PPIE: variants seen among roughly 807,000 people sequenced by gnomAD.
The protein encoded by PPIE is peptidylprolyl isomerase E.
Under a neutral mutation model 38.4 loss-of-function variants are expected in PPIE, and 20 were observed. That is an observed-to-expected ratio of 0.52 (90% CI 0.37 to 0.76). The LOEUF (loss-of-function observed/expected upper bound fraction) is 0.76, where lower values mean the gene tolerates loss of function less well. PPIE is among the 30% of genes least tolerant of loss of function. The pLI is 0.00. For synonymous variants in PPIE, 142 were observed against 135.7 expected, an observed-to-expected ratio of 1.05 and a Z score of -0.32; for missense variants, 322 against 385.8, an observed-to-expected ratio of 0.83 and a Z score of 1.39.
downstream of PPIE, chr1:39,760,017 C>G (rs1274111600): frequency 1.6e-5 from 4 of 243,246 alleles, no homozygotes; most frequent in Admixed American, 4.9e-5. Flanking sequence ...GTGAAGAGCT[C>G]AAGGTGGCCA....
intron 8 of PPIE, among the ~76,000 whole-genome samples, chr1:39,751,530 T>C (rs1313896601): frequency 6.6e-6 from 1 of 152,130 alleles, no homozygotes; most frequent in East Asian, 1.9e-4. Flanking sequence ...AGGCTAATTT[T>C]TAAGTTTTTT....
At position 39,740,912 on chromosome 1, in the gene PPIE, CATT is replaced by C. The variant is rs757908083; in HGVS notation, c.131-450_131-448del. ...TCTAGTCTCTGAGTTCTATGATAAA[CATT>C]ATTGTGCTTGGTCTTTCTAGTTAGT... On this transcript the variant is annotated intron_variant, in intron 2 of 9. Coordinates refer to ENST00000324379, the MANE Select transcript of PPIE (RefSeq NM_006112.4). 4.9e-4 allele frequency among the ~76,000 whole-genome samples: 74 copies of C among 152,316 alleles called. 1 individual carries two copies. Among genetic ancestry groups the C allele is most frequent in the South Asian group, 8.3e-4 (4 of 4,830 alleles).
At position 39,752,950 on chromosome 1, in the gene PPIE, C is replaced by G. The variant is rs1056835203; in HGVS notation, c.735C>G (p.Gly245=). 8.7e-6 allele frequency: 14 copies of G among 1,614,076 alleles called. No individual in the cohort carries two copies. The highest frequency in any genetic ancestry group is 1.6e-4 in the Middle Eastern group (1 of 6,084). ...SMANSGPNTN[G]SQFFLTCDKT... ...CCAACTCTGGCCCAAACACCAATGG[C>G]TCTCAGTTCTTCCTGACATGTGACA... Residue 245 remains glycine, a synonymous_variant, in exon 9 of 10, where the codon GGC becomes GGG. Coordinates refer to ENST00000324379, the MANE Select transcript of PPIE (RefSeq NM_006112.4).
At chr1:39,743,024 C>G in intron 4 of PPIE, 192 bp from the exon 5 acceptor site, 1 of 537,438 alleles carries the variant, frequency 1.9e-6, no homozygotes, top group South Asian at 2.5e-5. Context: ...TCTTTGTGTG[C>G]TGCTATGAAA....
At chr1:39,760,060 C>T, downstream of PPIE, 1 of 286,056 alleles carries the variant, frequency 3.5e-6, no homozygotes, top group Non-Finnish European at 6.8e-6. Flanking sequence ...CAGGTCATTC[C>T]ACATCTATCT....
At chr1:39,761,578 A>G (rs1039376012), downstream of PPIE, among the ~76,000 whole-genome samples, 2 of 152,010 alleles carry the variant, frequency 1.3e-5, no homozygotes. Context: ...GCCCTAGGGG[A>G]GCCGGCCCTG....
downstream of PPIE, chr1:39,760,607 G>A (rs763909153): frequency 1.2e-6 from 2 of 1,601,686 alleles, no homozygotes; most frequent in South Asian, 2.2e-5. Context: ...CATGAGCCCA[G>A]TGGCCTCCTC....
Position 39,753,029 on chromosome 1 carries a change from C to G in PPIE, c.814C>G (p.Leu272Val), listed in dbSNP as rs539934916. 6 of 1,614,206 alleles carry G rather than the reference C, an allele frequency of 3.7e-6. No homozygotes were observed. The highest frequency in any genetic ancestry group is 1.7e-5 in the Admixed American group (1 of 60,032). Residue 272 changes from leucine to valine, a missense_variant, in exon 9 of 10, where the codon CTA (leucine) becomes GTA (valine). Coordinates refer to ENST00000324379, the MANE Select transcript of PPIE (RefSeq NM_006112.4). ...HVVFGEVTEG[L>V]DVLRQIEAQG... ...GGTGTTTGGAGAGGTCACCGAAGGC[C>G]TAGATGTCTTGCGGCAAATTGAGGT...
At chr1:39,739,746 C>T (rs1387347374) in intron 1 of PPIE, among the ~76,000 whole-genome samples, 1 of 152,010 alleles carries the variant, frequency 6.6e-6, no homozygotes, top group Non-Finnish European at 1.5e-5. Flanking sequence ...TTCGGGAGAC[C>T]CAGGAAATTA....
Position 39,762,432 on chromosome 1 carries a change from C to G in PPIE, c.838-1257C>G, listed in dbSNP as rs572689985. On this transcript the variant is annotated intron_variant, in intron 9 of 9. Coordinates refer to the PPIE transcript ENST00000356511. ...GGTAAAAAGTTCTAGAAGGAAGCCTCGGTGCCAGAATCCACAAACACACAG... is the reference window on the plus strand; with the variant it reads ...GGTAAAAAGTTCTAGAAGGAAGCCTGGGTGCCAGAATCCACAAACACACAG... 7 of 1,451,176 alleles carry G rather than the reference C, an allele frequency of 4.8e-6. No individual in the cohort carries two copies. In the African/African-American group the frequency reaches 5.8e-5, roughly 12 times the overall value. 89.9% of individuals were successfully genotyped at this position (1,451,176 alleles called of 1,614,324 possible). A position where few individuals can be genotyped will look rare whatever the true frequency, so the allele number is the denominator to read the frequency against.
intron 9 of PPIE, chr1:39,763,077 G>A: frequency 6.2e-7 from 1 of 1,612,294 alleles, no homozygotes; most frequent in Non-Finnish European, 8.5e-7. Context: ...TGGGCAGGAT[G>A]GGCATGGTAC....
rs1648137783 is a variant in PPIE at position 39,755,212 on chromosome 1, G to A, written c.*1857G>A. ...GCTGTTGGACACCTCCTGTGGGTTG[G>A]GTCACTCAGACCATTCAGAATCCAC... On this transcript the variant is annotated 3_prime_UTR_variant, in exon 10 of 10. Transcript: ENST00000324379. 4 of 985,294 alleles carry A rather than the reference G, an allele frequency of 4.1e-6. No individual in the cohort carries two copies. Among genetic ancestry groups the A allele is most frequent in the South Asian group, 9.4e-5 (2 of 21,290 alleles). 61.0% of individuals were successfully genotyped at this position (985,294 alleles called of 1,614,324 possible).
chr1:39,754,882 G>A lies in PPIE; in HGVS notation c.*1527G>A, dbSNP rs1347819187. 1 of 380,740 alleles carries A rather than the reference G, an allele frequency of 2.6e-6. No individual in the cohort carries two copies. The highest frequency in any genetic ancestry group is 3.6e-6 in the Non-Finnish European group (1 of 277,348). 23.6% of individuals were successfully genotyped at this position (380,740 alleles called of 1,614,324 possible). A position where few individuals can be genotyped will look rare whatever the true frequency, so the allele number is the denominator to read the frequency against. On this transcript the variant is annotated 3_prime_UTR_variant, in exon 10 of 10. Transcript: ENST00000324379. ...TTGAAAAAAAGAAACCATCATCACAGCAACATCTAGACTAGTGTTTGACTA... is the reference window on the plus strand; with the variant it reads ...TTGAAAAAAAGAAACCATCATCACAACAACATCTAGACTAGTGTTTGACTA...
chr1:39,743,236 A>T lies in PPIE; in HGVS notation c.222A>T (p.Gly74=), dbSNP rs771177211. 7.4e-6 allele frequency: 12 copies of T among 1,614,114 alleles called. No homozygotes were observed. The highest frequency in any genetic ancestry group is 1.0e-5 in the Non-Finnish European group (12 of 1,179,986). The part of the protein sequence containing the change: ...IDNMNESELF[G]RTIRVNLAKP... Reference sequence around the variant, plus strand: ...TTCAGAATGAATCTGAGCTTTTTGGACGTACAATTCGTGTCAATTTGGCCA... The same window carrying T: ...TTCAGAATGAATCTGAGCTTTTTGGTCGTACAATTCGTGTCAATTTGGCCA... The change falls in exon 5 of 10, where the codon GGA becomes GGT. Residue 74 remains glycine (G), a synonymous_variant. Coordinates refer to ENST00000324379, the MANE Select transcript of PPIE (RefSeq NM_006112.4).
intron 8 of PPIE, among the ~76,000 whole-genome samples, chr1:39,751,729 T>C (rs534995302): frequency 9.9e-5 from 15 of 152,242 alleles, no homozygotes; most frequent in Admixed American, 1.3e-4. Context: ...GCAGAACATC[T>C]AGCATTCCAG....
intron 7 of PPIE, chr1:39,747,099 G>A (rs1647237832): frequency 1.3e-5 from 2 of 152,158 alleles, no homozygotes; most frequent in Non-Finnish European, 2.9e-5. Flanking sequence ...ATAGCATAAT[G>A]CTTTCAAGGT....
intron 9 of PPIE, chr1:39,763,036 C>T: frequency 1.3e-6 from 2 of 1,588,114 alleles, no homozygotes; most frequent in East Asian, 2.2e-5. Flanking sequence ...GGACCAGACC[C>T]CTCTCCACAG....
Position 39,756,082 on chromosome 1 carries a change from G to A in PPIE, c.*2727G>A, listed in dbSNP as rs1395912922. The stretch of plus-strand genomic sequence containing the variant: ...CCCTGCTCTTCCAGGCCAGAAGGGA[G>A]GGGAGCCCCAGAGCTGGGCAGTGGC... On this transcript the variant is annotated 3_prime_UTR_variant, in exon 10 of 10. Transcript: ENST00000324379. 2.4e-5 allele frequency: 24 copies of A among 985,304 alleles called. No homozygotes were observed. Among genetic ancestry groups the A allele is most frequent in the Admixed American group, 1.2e-4 (2 of 16,274 alleles). 61.0% of individuals were successfully genotyped at this position (985,304 alleles called of 1,614,324 possible).
Position 39,762,070 on chromosome 1 carries a change from G to A in PPIE, c.838-1619G>A, listed in dbSNP as rs147287919. 4.2e-3 allele frequency among the ~76,000 whole-genome samples: 638 copies of A among 152,308 alleles called. 8 individuals carry two copies. The highest frequency in any genetic ancestry group is 0.015 in the African/African-American group (612 of 41,570). ...GGGTGGCTGGGCTGGGCCGCCCCAC[G>A]CGTCCTCATCATCCCTGGGCCTTTC... On this transcript the variant is annotated intron_variant, in intron 9 of 9. Transcript: ENST00000356511.
Sources: allele counts gnomAD v4.1 joint callset (sites outside exome capture counted in the v4.1 genomes callset), GRCh38; gene constraint gnomAD v4.1.1; transcripts MANE v1.5; gene names NCBI Gene and HGNC (gene_info 2026-07-23, HGNC 2026-07-21).